SNTB2: variants seen among roughly 807,000 people sequenced by gnomAD.
The protein encoded by SNTB2 is beta-2-syntrophin.
A neutral mutation model predicts 46.2 loss-of-function variants in SNTB2; 34 were observed. The ratio of observed to expected loss-of-function variants is 0.74; its 90% CI spans 0.56 to 0.98. The LOEUF (loss-of-function observed/expected upper bound fraction) is 0.98. Among genes scored for constraint, SNTB2 ranks in the 50% least tolerant of loss-of-function variants. SNTB2 has a pLI of 0.00. For synonymous variants in SNTB2, 290 were observed against 312.6 expected (o/e 0.93, Z 0.76); for missense variants, 603 against 731.4 (o/e 0.82, Z 2.02).
chr16:69,266,480 T>G (rs1191004986), intron 3 of SNTB2, among the ~76,000 whole-genome samples: 1 of 152,184 alleles, frequency 6.6e-6, no homozygotes, highest in Non-Finnish European at 1.5e-5. Flanking sequence ...GAAAAGATAT[T>G]CTCTAAAAAC....
chr16:69,214,866 T>G (rs1033668056), intron 1 of SNTB2, among the ~76,000 whole-genome samples: 1 of 145,556 alleles, frequency 6.9e-6, no homozygotes, highest in Non-Finnish European at 1.5e-5. Context: ...AATTTTGACA[T>G]ATGGTCTCGT....
chr16:69,229,710 C>T (rs902984417), intron 1 of SNTB2, among the ~76,000 whole-genome samples: 4 of 151,042 alleles, frequency 2.6e-5, no homozygotes, highest in East Asian at 2.1e-4. Context: ...GGCATAGTGG[C>T]GCACGCCTGT....
At chr16:69,227,944 A>C (rs1964474359) in intron 1 of SNTB2, among the ~76,000 whole-genome samples, 1 of 151,156 alleles carries the variant, frequency 6.6e-6, no homozygotes, top group South Asian at 2.1e-4. Flanking sequence ...TGCAGCCTCA[A>C]ATTCCTGGGC....
chr16:69,278,336 AG>A (rs1411155842), intron 4 of SNTB2, among the ~76,000 whole-genome samples: 1 of 151,972 alleles, frequency 6.6e-6, no homozygotes, highest in Non-Finnish European at 1.5e-5. Context: ...TTAAAAAAAA[AG>A]AAAATATAAA....
rs1597190037 is a variant in SNTB2, at chr16:69,259,328, G to A, written c.795-722G>A. Among the ~76,000 whole-genome samples the A allele has an allele frequency of 2.8e-5, 4 of 141,760 alleles. No individual in the cohort carries two copies. The South Asian group carries it at 8.8e-4, about 31-fold the overall frequency. 93.0% of individuals were successfully genotyped at this position (141,760 alleles called of 152,430 possible). ...GCTCACTGCAACCTCCACCTCCCTGGTTCAGGCAGTTCCCCTGCCTCAGCC... is the reference window on the plus strand; with the variant it reads ...GCTCACTGCAACCTCCACCTCCCTGATTCAGGCAGTTCCCCTGCCTCAGCC... On this transcript the variant is annotated intron_variant, in intron 2 of 6. Transcript: ENST00000336278.
chr16:69,245,924 C>A, intron 2 of SNTB2, 109 bp downstream of exon 2: 2 of 1,133,526 alleles, frequency 1.8e-6, no homozygotes, highest in Non-Finnish European at 2.6e-6. Flanking sequence ...AAACATCTGT[C>A]TGAGGTGAGA....
At chr16:69,222,272 T>A (rs1312281692) in intron 1 of SNTB2, among the ~76,000 whole-genome samples, 1 of 152,190 alleles carries the variant, frequency 6.6e-6, no homozygotes, top group Non-Finnish European at 1.5e-5. Context: ...TAAGTATAGC[T>A]TTTACAAAGC....
Position 69,284,218 on chromosome 16 carries a change from C to T in SNTB2, c.1319C>T (p.Ala440Val). The change falls in exon 5 of 7, where the codon GCT (alanine) becomes GTT (valine). Residue 440 changes from alanine to valine, a missense_variant. Physicochemically the swap from Ala to Val is moderately conservative, Grantham distance 64. This residue lies in a region of SNTB2 where 537 missense variants were observed against 692.4 expected (regional missense o/e 0.78). Coordinates refer to ENST00000336278, the MANE Select transcript of SNTB2 (RefSeq NM_006750.4). ...RILVQGCHAAAELIKEVSLGC... is the reference protein window; with the variant it reads ...RILVQGCHAAVELIKEVSLGC... ...CTTGTTCAGGGTTGCCATGCTGCTG[C>T]TGAGCTGATCAAGGAAGTCTCTCTA... 2.5e-6 allele frequency: 4 copies of T among 1,612,804 alleles called. No homozygotes were observed. Among genetic ancestry groups the T allele is most frequent in the Non-Finnish European group, 3.4e-6 (4 of 1,179,486 alleles).
rs565063430 is a variant in SNTB2, at chr16:69,291,854, G to A, written c.1345+7610G>A. Among the ~76,000 whole-genome samples the A allele has an allele frequency of 6.0e-4, 92 of 152,254 alleles. 1 individual carries two copies. Among genetic ancestry groups the A allele is most frequent in the Admixed American group, 5.4e-3 (82 of 15,288 alleles). ...CTCAGGTGGCTGAAGTGGGAGGATT[G>A]CTTAAGGCCTGCAGGTCCAGGCTGC... is the stretch of plus-strand genomic sequence containing the variant. On this transcript the variant is annotated intron_variant, in intron 5 of 6. Transcript: ENST00000336278.
rs138888070 is a variant in SNTB2, at chr16:69,288,307, G to C, written c.1345+4063G>C. 2.6e-3 allele frequency among the ~76,000 whole-genome samples: 400 copies of C among 152,278 alleles called. 4 individuals are homozygous for C. In the East Asian group the frequency reaches 0.027, roughly 10 times the overall value. On this transcript the variant is annotated intron_variant, in intron 5 of 6. Coordinates refer to ENST00000336278, the MANE Select transcript of SNTB2 (RefSeq NM_006750.4). ...TCATTTTTCAGGTTAAAGCTTCCCA[G>C]GCTCATAGTTGTTTAAATATGATGG...
intron 5 of SNTB2, among the ~76,000 whole-genome samples, chr16:69,294,098 G>A (rs964473079): frequency 1.3e-5 from 2 of 152,108 alleles, no homozygotes; most frequent in South Asian, 4.1e-4. Flanking sequence ...CACGAACATG[G>A]CTCACTGCAT....
intron 1 of SNTB2, chr16:69,240,727 C>T (rs543829643): frequency 1.1e-4 from 16 of 152,278 alleles, no homozygotes; most frequent in African/African-American, 3.8e-4. Context: ...AGGAACATAA[C>T]GATTATATGA....
intron 1 of SNTB2, among the ~76,000 whole-genome samples, chr16:69,193,318 CTTTTTTTTTTT>C (rs57663863): frequency 1.4e-5 from 1 of 70,194 alleles, no homozygotes; most frequent in East Asian, 3.6e-4. Flanking sequence ...ATGGTATAGA[CTTTTTTTTTTT>C]TTTTTTTTTT....
chr16:69,251,092 C>A (rs1426150994), intron 2 of SNTB2, among the ~76,000 whole-genome samples: 1 of 149,132 alleles, frequency 6.7e-6, no homozygotes, highest in African/African-American at 2.4e-5. Context: ...CATTCTCCTG[C>A]CTCAGCCTCC....
At chr16:69,299,517 C>A in intron 5 of SNTB2, 73 bp from the exon 6 acceptor site, 2 of 1,431,128 alleles carry the variant, frequency 1.4e-6, no homozygotes, top group South Asian at 1.2e-5. Flanking sequence ...ATTTTGAAGT[C>A]AGAAGATTCC....
intron 1 of SNTB2, among the ~76,000 whole-genome samples, chr16:69,204,268 TGTA>T (rs1211759233): frequency 1.3e-5 from 2 of 152,164 alleles, no homozygotes; most frequent in African/African-American, 4.8e-5. Context: ...CTTCTTCACT[TGTA>T]GTATGAGGAA....
At position 69,251,369 on chromosome 16, in the gene SNTB2, A is replaced by AT. The variant is rs1033325082; in HGVS notation, c.794+5565dup. Among the ~76,000 whole-genome samples the AT allele has an allele frequency of 1.2e-3, 138 of 118,354 alleles. 1 individual carries two copies. The highest frequency in any genetic ancestry group is 8.4e-4 in the Admixed American group (9 of 10,716). 77.6% of individuals were successfully genotyped at this position (118,354 alleles called of 152,430 possible). ...TTACTGAATATTTTTGTAATGTCCT[A>AT]TTTTTTTTTTTCTTCTGATTTAAAG... On this transcript the variant is annotated intron_variant, in intron 2 of 6. Coordinates refer to ENST00000336278, the MANE Select transcript of SNTB2 (RefSeq NM_006750.4).
chr16:69,264,972 G>A (rs763961566), intron 3 of SNTB2, among the ~76,000 whole-genome samples: 11 of 152,146 alleles, frequency 7.2e-5, no homozygotes, highest in Non-Finnish European at 1.2e-4. Flanking sequence ...TCTATTGGCC[G>A]GGCACGGTGG....
intron 4 of SNTB2, among the ~76,000 whole-genome samples, chr16:69,273,214 C>T (rs1964954889): frequency 1.3e-5 from 2 of 152,316 alleles, no homozygotes; most frequent in African/African-American, 4.8e-5. Flanking sequence ...CCCTGTGACC[C>T]ACAATTCCAT....
Sources: gnomAD v4.1 joint callset for allele counts (sites outside exome capture counted in the v4.1 genomes callset) on GRCh38, gnomAD v4.1.1 for gene constraint, gnomAD v4.1.1 regional missense constraint, MANE v1.5 for transcripts, NCBI Gene and HGNC (gene_info 2026-07-23, HGNC 2026-07-21) for gene names.